PIK3R4: variants seen among roughly 807,000 people sequenced by gnomAD.
The protein encoded by PIK3R4 is phosphoinositide 3-kinase regulatory subunit 4.
Under a neutral mutation model 136.5 loss-of-function variants are expected in PIK3R4, and 46 were observed. The ratio of observed to expected loss-of-function variants is 0.34; its 90% CI spans 0.27 to 0.43. The LOEUF (loss-of-function observed/expected upper bound fraction) is 0.43. Among genes scored for constraint, PIK3R4 ranks in the 20% least tolerant of loss-of-function variants. The probability of loss-of-function intolerance (pLI) is 1.00; values close to 1 mark genes in which losing one functional copy is unlikely to be tolerated. For synonymous variants in PIK3R4, 557 were observed against 566.7 expected (o/e 0.98, Z 0.24); for missense variants, 1,331 against 1,649.5 (o/e 0.81, Z 3.35).
intron 3 of PIK3R4, among the ~76,000 whole-genome samples, chr3:130,734,876 T>G (rs2066777684): frequency 6.6e-6 from 1 of 152,186 alleles, no homozygotes; most frequent in Non-Finnish European, 1.5e-5. Flanking sequence ...AACTTTCTGT[T>G]TACAGTTTAA....
At chr3:130,712,283 T>A (rs1044026033) in intron 9 of PIK3R4, among the ~76,000 whole-genome samples, 3 of 151,828 alleles carry the variant, frequency 2.0e-5, no homozygotes, top group East Asian at 1.9e-4. Flanking sequence ...TGAAGAACTC[T>A]AAGCTAAAAA....
At position 130,744,871 on chromosome 3, in the gene PIK3R4, G is replaced by A. The variant is rs1291791143; in HGVS notation, c.348C>T (p.Thr116=). 1 of 1,614,186 alleles carries A rather than the reference G, an allele frequency of 6.2e-7. No homozygotes were observed. The highest frequency in any genetic ancestry group is 8.5e-7 in the Non-Finnish European group (1 of 1,180,034). ...VRDNLYDRIS[T]RPFLNNIEKR... is the part of the protein sequence containing the mutation. The stretch of plus-strand genomic sequence containing the variant: ...TCTCAATGTTATTCAAGAATGGACG[G>A]GTACTGATGCGATCATAGAGATTGT... The change falls in exon 2 of 20, where the codon ACC becomes ACT. Residue 116 remains threonine, a synonymous_variant. Transcript: ENST00000356763.
At chr3:130,691,698 A>C (rs1329160831) in intron 13 of PIK3R4, among the ~76,000 whole-genome samples, 1 of 151,700 alleles carries the variant, frequency 6.6e-6, no homozygotes. Context: ...ATGCATATTA[A>C]GTGTACTAAA....
Position 130,730,445 on chromosome 3 carries a change from A to T in PIK3R4, c.1451-3T>A. The T allele has an allele frequency of 6.4e-7, 1 of 1,557,622 alleles. No individual in the cohort carries two copies. The highest frequency in any genetic ancestry group is 8.6e-7 in the Non-Finnish European group (1 of 1,159,392). ...TTCTGCCAGCAGAGCTATGTTTTCT[A>T]TAAAATAAAAAGGAAGAAAATTTAT... On this transcript the variant is annotated splice_region_variant and splice_polypyrimidine_tract_variant and intron_variant, in intron 4 of 19. Transcript: ENST00000356763.
intron 13 of PIK3R4, among the ~76,000 whole-genome samples, chr3:130,701,474 T>TG (rs1164305380): frequency 1.3e-5 from 2 of 150,818 alleles, no homozygotes; most frequent in African/African-American, 4.9e-5. Flanking sequence ...ATCGTGCCAC[T>TG]GTACTCCATC....
intron 13 of PIK3R4, among the ~76,000 whole-genome samples, chr3:130,699,114 A>G (rs911269048): frequency 2.6e-5 from 4 of 152,188 alleles, no homozygotes; most frequent in African/African-American, 9.7e-5. Context: ...ATGTGGTCTT[A>G]TAAGGACCCA....
rs1181933799 is a variant in PIK3R4, at chr3:130,681,544, C to T, written c.3655G>A (p.Asp1219Asn). 11 of 1,612,992 alleles carry T rather than the reference C, an allele frequency of 6.8e-6. No individual in the cohort carries two copies. Among genetic ancestry groups the T allele is most frequent in the African/African-American group, 5.3e-5 (4 of 74,848 alleles). The change falls in exon 17 of 20, where the codon GAC becomes AAC. Residue 1219 changes from aspartate (D) to asparagine (N), a missense_variant. Physicochemically the swap from Asp to Asn is conservative, Grantham distance 23. Transcript: ENST00000356763. The part of the protein sequence containing the change: ...EVSMWDMETG[D>N]RRFTLWASSA... Reference sequence around the variant, plus strand: ...CTGGCCCAGAGAGTAAATCTTCTGTCACCAGTCTCCATGTCCCACATGGAC... The same window carrying T: ...CTGGCCCAGAGAGTAAATCTTCTGTTACCAGTCTCCATGTCCCACATGGAC...
At chr3:130,709,522 G>T (rs958935575) in intron 9 of PIK3R4, among the ~76,000 whole-genome samples, 1 of 152,042 alleles carries the variant, frequency 6.6e-6, no homozygotes, top group Admixed American at 6.6e-5. Context: ...AATAATAATA[G>T]ACATATTCTT....
At chr3:130,710,717 T>G (rs1355264070) in intron 9 of PIK3R4, among the ~76,000 whole-genome samples, 1 of 152,124 alleles carries the variant, frequency 6.6e-6, no homozygotes, top group Non-Finnish European at 1.5e-5. Flanking sequence ...TTTATGAGGT[T>G]GCCAGATAAA....
chr3:130,694,310 A>G (rs971151502), intron 13 of PIK3R4, among the ~76,000 whole-genome samples: 22 of 148,072 alleles, frequency 1.5e-4, no homozygotes, highest in African/African-American at 3.0e-4. Context: ...GATTTCAGGG[A>G]AAAAAAAAAG....
At chr3:130,733,419 TG>T in intron 4 of PIK3R4, 128 bp downstream of exon 4, 1 of 626,446 alleles carries the variant, frequency 1.6e-6, no homozygotes, top group Non-Finnish European at 2.9e-6. Flanking sequence ...ATTATCAAAA[TG>T]TACACAAATA....
At chr3:130,720,452 C>A (rs1487392477) in intron 7 of PIK3R4, among the ~76,000 whole-genome samples, 2 of 152,182 alleles carry the variant, frequency 1.3e-5, no homozygotes, top group Non-Finnish European at 2.9e-5. Context: ...GCCTTGGCCT[C>A]CCAATCAATC....
intron 13 of PIK3R4, among the ~76,000 whole-genome samples, chr3:130,695,794 G>A (rs1191846663): frequency 1.3e-5 from 2 of 152,090 alleles, no homozygotes; most frequent in African/African-American, 2.4e-5. Context: ...TATACATAAG[G>A]TTTGGTACTA....
intron 9 of PIK3R4, 76 bp downstream of exon 9, chr3:130,716,320 T>TA: frequency 1.6e-6 from 2 of 1,231,892 alleles, no homozygotes; most frequent in Non-Finnish European, 2.3e-6. Flanking sequence ...AAAAACATTT[T>TA]AAAAAACTAA....
At position 130,716,545 on chromosome 3, in the gene PIK3R4, T is replaced by C. The variant is rs769823331; in HGVS notation, c.2182A>G (p.Ile728Val). ...SVLKEPVSRS[I>V]FDYALRSKDI... is the part of the protein sequence containing the mutation. Reference sequence around the variant, plus strand: ...TTAGACCTCAAAGCATAATCAAATATAGAACGACTTACTGGTTCCTTTAAA... The same window carrying C: ...TTAGACCTCAAAGCATAATCAAATACAGAACGACTTACTGGTTCCTTTAAA... The change falls in exon 9 of 20, where the codon ATA becomes GTA. Residue 728 changes from isoleucine (I) to valine (V), a missense_variant. Physicochemically the swap from Ile to Val is conservative, Grantham distance 29. Around this residue, in one of 2 missense-constraint regions of PIK3R4, gnomAD observed 1,180 missense variants for 1,407.0 expected, o/e 0.84. Transcript: ENST00000356763. The C allele has an allele frequency of 6.2e-7, 1 of 1,613,968 alleles. No individual in the cohort carries two copies. Among genetic ancestry groups the C allele is most frequent in the Middle Eastern group, 1.6e-4 (1 of 6,062 alleles).
chr3:130,683,922 C>T (rs1249024321), intron 16 of PIK3R4, among the ~76,000 whole-genome samples: 1 of 151,982 alleles, frequency 6.6e-6, no homozygotes, highest in East Asian at 1.9e-4. Flanking sequence ...CAAGAAATTG[C>T]AACAAAGAAG....
chr3:130,704,542 T>C (rs549633760), intron 12 of PIK3R4, among the ~76,000 whole-genome samples: 52 of 152,154 alleles, frequency 3.4e-4, no homozygotes, highest in Non-Finnish European at 5.1e-4. Flanking sequence ...TAAATATCTA[T>C]ATATAAGCAC....
At chr3:130,710,312 A>C (rs948315170) in intron 9 of PIK3R4, among the ~76,000 whole-genome samples, 1 of 152,138 alleles carries the variant, frequency 6.6e-6, no homozygotes, top group Non-Finnish European at 1.5e-5. Flanking sequence ...ATCAATCAAC[A>C]TATTTCAACA....
chr3:130,679,566 G>C (rs900738013), intron 19 of PIK3R4, 81 bp from the exon 20 acceptor site: 19 of 905,338 alleles, frequency 2.1e-5, no homozygotes, highest in Non-Finnish European at 3.1e-5. Context: ...TCCTGCTTCT[G>C]AGATACTGTT....
Sources: allele counts gnomAD v4.1 joint callset (sites outside exome capture counted in the v4.1 genomes callset), GRCh38; gene constraint gnomAD v4.1.1; regional missense constraint gnomAD v4.1.1; transcripts MANE v1.5; gene names NCBI Gene and HGNC (gene_info 2026-07-23, HGNC 2026-07-21).